Variants in B4GALT1 observed in about 807,000 individuals in gnomAD.
B4GALT1 encodes beta-1,4-galactosyltransferase 1, also known as N-acetyllactosamine synthase.
Under a neutral mutation model 34.9 loss-of-function variants are expected in B4GALT1, and 16 were observed. The ratio of observed to expected loss-of-function variants is 0.46; its 90% confidence interval spans 0.31 to 0.70. B4GALT1 has a LOEUF of 0.70. Ranked by LOEUF, B4GALT1 falls within the 30% of genes least tolerant of loss-of-function variation. The pLI, the probability that B4GALT1 is intolerant of heterozygous loss-of-function variation, is 0.05. For synonymous variants in B4GALT1, 221 were observed against 218.1 expected (o/e 1.01, Z -0.12); for missense variants, 445 against 530.5 (o/e 0.84, Z 1.58).
rs1476012040 is a variant in B4GALT1 at position 33,167,024 on chromosome 9, C to A, written c.146G>T (p.Arg49Leu). 6.3e-7 allele frequency: 1 copy of A among 1,598,020 alleles called. No homozygotes were observed. The highest frequency in any genetic ancestry group is 8.5e-7 in the Non-Finnish European group (1 of 1,177,940). Residue 49 changes from arginine to leucine, a missense_variant, in exon 1 of 6, where the codon CGC becomes CTC. By Grantham distance (102) the Arg-to-Leu change is moderately radical. Coordinates refer to ENST00000379731, the MANE Select transcript of B4GALT1 (RefSeq NM_001497.4). ...GGAGACTCCGACCAGTTGGGGCAGG[C>A]GGCTCAGGTCGCGGCCAGCCAGGTA... ...VYYLAGRDLSRLPQLVGVSTP... is the reference protein window; with the variant it reads ...VYYLAGRDLSLLPQLVGVSTP...
At chr9:33,170,942 G>A (rs1048362781), upstream of B4GALT1, among the ~76,000 whole-genome samples, 7 of 152,362 alleles carry the variant, frequency 4.6e-5, no homozygotes, top group South Asian at 2.1e-4. Context: ...GGGCTTGGCC[G>A]TTGGCCCATC....
downstream of B4GALT1, among the ~76,000 whole-genome samples, chr9:33,106,269 G>C (rs77213180): frequency 0.038 from 5,829 of 152,248 alleles, 362 homozygotes; most frequent in African/African-American, 0.13. Flanking sequence ...GCCTTCTTAA[G>C]GTCAGGAAAT....
intron 4 of B4GALT1, among the ~76,000 whole-genome samples, chr9:33,114,317 G>A (rs968749893): frequency 1.3e-5 from 2 of 152,202 alleles, no homozygotes; most frequent in African/African-American, 4.8e-5. Flanking sequence ...TGGGCAGCCA[G>A]GATGGCACAG....
upstream of B4GALT1, among the ~76,000 whole-genome samples, chr9:33,169,659 T>C (rs1316808993): frequency 1.3e-5 from 2 of 151,992 alleles, no homozygotes; most frequent in East Asian, 3.9e-4. Flanking sequence ...TAGCTGGGAT[T>C]ACAGGTGCCT....
In B4GALT1 at chr9:33,167,295, G is replaced by C. The variant is rs1014067456; in HGVS notation, c.-126C>G. 3 of 1,271,788 alleles carry C rather than the reference G, an allele frequency of 2.4e-6. No individual in the cohort carries two copies. The highest frequency in any genetic ancestry group is 2.1e-6 in the Non-Finnish European group (2 of 973,652). The allele number at this position is 1,271,788 out of a possible 1,614,324, so 78.8% of individuals were successfully genotyped here. ...GGGCCCGGAGCGGGGGCGGGCGAGCGGCTGAGAGCTGAGACTCCTCCAGCC... is the reference window on the plus strand; with the variant it reads ...GGGCCCGGAGCGGGGGCGGGCGAGCCGCTGAGAGCTGAGACTCCTCCAGCC... On this transcript the variant is annotated 5_prime_UTR_variant, in exon 1 of 6. Coordinates refer to ENST00000379731, the MANE Select transcript of B4GALT1 (RefSeq NM_001497.4).
At chr9:33,172,796 AC>A in the B4GALT1 span, among the ~76,000 whole-genome samples, 21 of 152,114 alleles carry the variant, frequency 1.4e-4, no homozygotes, top group Admixed American at 1.2e-3. Flanking sequence ...GATTATAAAG[AC>A]AAATTACCTC....
chr9:33,147,076 A>C (rs1371941493), intron 1 of B4GALT1, among the ~76,000 whole-genome samples: 1 of 152,154 alleles, frequency 6.6e-6, no homozygotes, highest in Non-Finnish European at 1.5e-5. Flanking sequence ...CCTAGGTTTC[A>C]AATCACTCCT....
At position 33,135,236 on chromosome 9, in the gene B4GALT1, C is replaced by T; in HGVS notation, c.601G>A (p.Val201Ile). 2 of 1,614,174 alleles carry T rather than the reference C, an allele frequency of 1.2e-6. No homozygotes were observed. The highest frequency in any genetic ancestry group is 1.7e-6 in the Non-Finnish European group (2 of 1,180,034). The change falls in exon 2 of 6, where the codon GTC becomes ATC. Residue 201 changes from valine (V) to isoleucine (I), a missense_variant. Around this residue, in one of 3 missense-constraint regions of B4GALT1, gnomAD observed 349 missense variants for 395.5 expected, o/e 0.88. Coordinates refer to ENST00000379731, the MANE Select transcript of B4GALT1 (RefSeq NM_001497.4). ...TAGTCCAGCTGCTGGCGCTGCAGGA[C>T]TGGGTGCAAATAATATAGCCAGTAC... ...LKYWLYYLHP[V>I]LQRQQLDYGI...
At chr9:33,124,162 C>G (rs1416060768) in intron 2 of B4GALT1, among the ~76,000 whole-genome samples, 1 of 152,170 alleles carries the variant, frequency 6.6e-6, no homozygotes, top group Non-Finnish European at 1.5e-5. Context: ...TGCTGTAACA[C>G]TGGGGCACAC....
intron 1 of B4GALT1, among the ~76,000 whole-genome samples, chr9:33,157,272 T>G (rs1438332163): frequency 6.6e-6 from 1 of 152,130 alleles, no homozygotes; most frequent in Non-Finnish European, 1.5e-5. Flanking sequence ...TCCAAACCTC[T>G]TGGAAAGCAA....
At position 33,112,623 on chromosome 9, in the gene B4GALT1, C is replaced by T. The variant is rs947015726; in HGVS notation, c.*831G>A. On this transcript the variant is annotated 3_prime_UTR_variant, in exon 6 of 6. Transcript: ENST00000379731. ...GGAAATTCAAGTTTACATAGCATGC[C>T]AAGAAAAATAAATTGTCATGACTTA... The T allele has an allele frequency of 6.6e-6, 1 of 152,434 alleles. No homozygotes were observed. The highest frequency in any genetic ancestry group is 1.5e-5 in the Non-Finnish European group (1 of 68,000). The allele number at this position is 152,434 out of a possible 1,614,324, so 9.4% of individuals were successfully genotyped here.
At chr9:33,153,731 A>T (rs1194068961) in intron 1 of B4GALT1, among the ~76,000 whole-genome samples, 1 of 152,138 alleles carries the variant, frequency 6.6e-6, no homozygotes, top group East Asian at 1.9e-4. Flanking sequence ...TTCCACAAAG[A>T]AAACATCAGG....
At chr9:33,149,694 G>C (rs1840482367) in intron 1 of B4GALT1, among the ~76,000 whole-genome samples, 1 of 152,196 alleles carries the variant, frequency 6.6e-6, no homozygotes, top group Admixed American at 6.5e-5. Flanking sequence ...CAAACTGACA[G>C]TGTGTGTCTC....
intron 2 of B4GALT1, among the ~76,000 whole-genome samples, chr9:33,126,667 G>GTTAACATTGTTAACTATGGTTAACTATA (rs1358355119): frequency 9.1e-5 from 3 of 32,838 alleles, no homozygotes; most frequent in Admixed American, 4.4e-4. Context: ...ATAGCAATAT[G>GTTAACATTGTTAACTATGGTTAACTATA]GTAGCTCAGA....
intron 1 of B4GALT1, among the ~76,000 whole-genome samples, chr9:33,160,318 T>A (rs1840655932): frequency 6.6e-6 from 1 of 152,224 alleles, no homozygotes; most frequent in Non-Finnish European, 1.5e-5. Context: ...AATGATTTTT[T>A]TAAGTTATGG....
chr9:33,172,712 A>G, the B4GALT1 span, among the ~76,000 whole-genome samples: 1 of 152,114 alleles, frequency 6.6e-6, no homozygotes, highest in Non-Finnish European at 1.5e-5. Flanking sequence ...AGGTGGGAGG[A>G]CCACTTGAGC....
chr9:33,129,036 CCAGA>C (rs1054364098), intron 2 of B4GALT1, among the ~76,000 whole-genome samples: 5 of 152,340 alleles, frequency 3.3e-5, no homozygotes, highest in African/African-American at 1.2e-4. Context: ...AACTTCAAAG[CCAGA>C]CAGAGTCCTC....
chr9:33,137,509 G>A (rs1840288369), intron 1 of B4GALT1, among the ~76,000 whole-genome samples: 1 of 152,152 alleles, frequency 6.6e-6, no homozygotes, highest in Non-Finnish European at 1.5e-5. Flanking sequence ...CTCCCAGGGT[G>A]CCCTAAAGTG....
At position 33,167,119 on chromosome 9, in the gene B4GALT1, C is replaced by T; in HGVS notation, c.51G>A (p.Ala17=). ...GCAGGCGGCAGGCCCGCTGTAGGGA[C>T]GCGCCTGGCATCGCGGCGCTGCCGC... ...LLSGSAAMPG[A]SLQRACRLLV... Residue 17 remains alanine (A), a synonymous_variant, in exon 1 of 6, where the codon GCG becomes GCA. Transcript: ENST00000379731. 1 of 1,603,928 alleles carries T rather than the reference C, an allele frequency of 6.2e-7. No individual in the cohort carries two copies. Among genetic ancestry groups the T allele is most frequent in the South Asian group, 1.1e-5 (1 of 90,526 alleles).
Sources: gnomAD v4.1 joint callset for allele counts (sites outside exome capture counted in the v4.1 genomes callset) on GRCh38, gnomAD v4.1.1 for gene constraint, gnomAD v4.1.1 regional missense constraint, MANE v1.5 for transcripts, NCBI Gene and HGNC (gene_info 2026-07-23, HGNC 2026-07-21) for gene names.